PRICKLE1: variants seen among roughly 807,000 people sequenced by gnomAD.
PRICKLE1 encodes the protein prickle planar cell polarity protein 1.
Under a neutral mutation model 70.2 loss-of-function variants are expected in PRICKLE1, and 14 were observed. The observed-to-expected ratio is 0.20, with a 90% CI of 0.13 to 0.31. The LOEUF (loss-of-function observed/expected upper bound fraction) is 0.31. PRICKLE1 is among the 10% of genes least tolerant of loss of function. The pLI, the probability that PRICKLE1 is intolerant of heterozygous loss-of-function variation, is 1.00. For missense variants in PRICKLE1, 821 were observed against 1,026.2 expected (o/e 0.80, Z 2.73); for synonymous variants, 357 against 379.9 (o/e 0.94, Z 0.70).
At position 42,512,648 on chromosome 12, in the gene PRICKLE1, T is replaced by C. The variant is rs114291823; in HGVS notation, c.-48-40084A>G. Among the ~76,000 whole-genome samples the C allele has an allele frequency of 2.5e-3, 379 of 152,278 alleles. 2 individuals carry two copies. Among genetic ancestry groups the C allele is most frequent in the African/African-American group, 8.7e-3 (360 of 41,554 alleles). On this transcript the variant is annotated intron_variant, in intron 1 of 7. Coordinates refer to ENST00000345127, the MANE Select transcript of PRICKLE1 (RefSeq NM_153026.3). ...TGATTTCTATCTGACATAGTATGTA[T>C]TGTATGTAATCATTTTGTTTTTTGT...
chr12:42,529,888 C>CA (rs1183317651), intron 1 of PRICKLE1, among the ~76,000 whole-genome samples: 28 of 148,718 alleles, frequency 1.9e-4, no homozygotes, highest in African/African-American at 4.4e-4. Context: ...GAGACCTTAT[C>CA]AAAAAAAAAG....
chr12:42,565,360 G>T (rs1940604725), intron 1 of PRICKLE1, among the ~76,000 whole-genome samples: 1 of 152,256 alleles, frequency 6.6e-6, no homozygotes. Flanking sequence ...AGAAACTTAA[G>T]AAAGTACTTC....
At chr12:42,586,374 G>C (rs1004399358) in intron 1 of PRICKLE1, among the ~76,000 whole-genome samples, 2 of 151,218 alleles carry the variant, frequency 1.3e-5, no homozygotes, top group African/African-American at 4.9e-5. Context: ...GAATCACTTT[G>C]ATTTTTTAAA....
Position 42,589,720 on chromosome 12 carries a change from C to T in PRICKLE1, c.-304G>A, listed in dbSNP as rs1159413707. Reference sequence around the variant, plus strand: ...GCGGCGGCGGCCGCGGGAGACGGCGCTGGCAGCTGGGCTGCAGGCGGAGTG... The same window carrying T: ...GCGGCGGCGGCCGCGGGAGACGGCGTTGGCAGCTGGGCTGCAGGCGGAGTG... On this transcript the variant is annotated 5_prime_UTR_variant, in exon 1 of 8. Transcript: ENST00000345127. This position sits in a 1 kb window ranked among gnomAD's most constrained non-coding sequence, Gnocchi z 5.0. 3 of 149,844 alleles carry T rather than the reference C, an allele frequency of 2.0e-5. No individual in the cohort carries two copies. The highest frequency in any genetic ancestry group is 3.0e-5 in the Non-Finnish European group (2 of 67,342). The allele number at this position is 149,844 out of a possible 1,614,324, so 9.3% of individuals were successfully genotyped here. A position where few individuals can be genotyped will look rare whatever the true frequency, so the allele number is the denominator to read the frequency against.
intron 2 of PRICKLE1, among the ~76,000 whole-genome samples, chr12:42,471,014 G>A (rs1053747748): frequency 3.3e-5 from 5 of 152,154 alleles, no homozygotes; most frequent in African/African-American, 4.8e-5. Flanking sequence ...TACACAGACT[G>A]TGTGAAATGG....
At chr12:42,558,720 C>T (rs1000524463) in intron 1 of PRICKLE1, among the ~76,000 whole-genome samples, 1 of 152,132 alleles carries the variant, frequency 6.6e-6, no homozygotes, top group Non-Finnish European at 1.5e-5. Flanking sequence ...CTTTAATGAC[C>T]TTATTTTCTT....
intron 1 of PRICKLE1, among the ~76,000 whole-genome samples, chr12:42,576,011 C>T (rs1940800537): frequency 6.6e-6 from 1 of 152,138 alleles, no homozygotes; most frequent in African/African-American, 2.4e-5. Context: ...TGCCTTCCTC[C>T]CTTACAAAAC....
intron 1 of PRICKLE1, among the ~76,000 whole-genome samples, chr12:42,516,516 A>G (rs898499807): frequency 2.6e-5 from 4 of 152,086 alleles, no homozygotes; most frequent in Non-Finnish European, 4.4e-5. Flanking sequence ...TTTACAGGGT[A>G]TCTCTTCTTT....
chr12:42,500,667 T>C (rs890034411), intron 1 of PRICKLE1, among the ~76,000 whole-genome samples: 13 of 151,686 alleles, frequency 8.6e-5, no homozygotes, highest in Non-Finnish European at 1.9e-4. Context: ...TAATTTTCTT[T>C]TTTTTTTTTT....
intron 3 of PRICKLE1, 79 bp downstream of exon 3, chr12:42,470,167 G>A: frequency 9.6e-7 from 1 of 1,046,826 alleles, no homozygotes. Flanking sequence ...TGAGGAGTTG[G>A]GGTTTATGAG....
intron 1 of PRICKLE1, among the ~76,000 whole-genome samples, chr12:42,507,393 C>A (rs921530): frequency 0.17 from 26,406 of 152,162 alleles, 3,043 homozygotes; most frequent in African/African-American, 0.31. Context: ...GGGTTTTGAA[C>A]CCTTTTGAAC....
intron 1 of PRICKLE1, among the ~76,000 whole-genome samples, chr12:42,522,271 T>G (rs2708079): frequency 6.6e-6 from 1 of 151,862 alleles, no homozygotes; most frequent in African/African-American, 2.4e-5. Context: ...CTACCATACC[T>G]GGCCTTAACT....
In PRICKLE1 at chr12:42,459,381, C is replaced by G. The variant is rs1054485349; in HGVS notation, c.*428G>C. On this transcript the variant is annotated 3_prime_UTR_variant, in exon 8 of 8. Transcript: ENST00000345127. ...GTGTTAGCTAGGTCATCGTGACAGG[C>G]ATGCCTCACACCAAGACGGACTATC... 8.5e-6 allele frequency: 6 copies of G among 702,324 alleles called. No individual in the cohort carries two copies. Among genetic ancestry groups the G allele is most frequent in the Non-Finnish European group, 1.3e-5 (5 of 384,980 alleles). 43.5% of individuals were successfully genotyped at this position (702,324 alleles called of 1,614,324 possible). A position where few individuals can be genotyped will look rare whatever the true frequency, so the allele number is the denominator to read the frequency against.
intron 1 of PRICKLE1, among the ~76,000 whole-genome samples, chr12:42,534,076 A>G (rs961501757): frequency 2.6e-5 from 4 of 152,300 alleles, no homozygotes; most frequent in Non-Finnish European, 4.4e-5. Context: ...TACTTATTGT[A>G]TAAAGTAGGG....
chr12:42,474,384 C>T (rs1378906531), intron 1 of PRICKLE1, among the ~76,000 whole-genome samples: 3 of 152,110 alleles, frequency 2.0e-5, no homozygotes, highest in Non-Finnish European at 2.9e-5. Context: ...GGGCAAGCAC[C>T]TCATAGCTAC....
intron 5 of PRICKLE1, 41 bp from the exon 6 acceptor site, chr12:42,466,421 A>C (rs768509723): frequency 6.9e-6 from 11 of 1,583,148 alleles, no homozygotes; most frequent in Non-Finnish European, 9.5e-6. Context: ...AAAGAAAATC[A>C]TTAGGAACTA....
At chr12:42,572,821 C>G (rs1940741024) in intron 1 of PRICKLE1, among the ~76,000 whole-genome samples, 2 of 152,214 alleles carry the variant, frequency 1.3e-5, no homozygotes, top group South Asian at 4.2e-4. Context: ...GAGCAAGACT[C>G]TGTCTCAAAG....
rs1006659962 is a variant in PRICKLE1 at position 42,459,398 on chromosome 12, C to A, written c.*411G>T. 1.4e-6 allele frequency: 1 copy of A among 701,216 alleles called. No homozygotes were observed. The highest frequency in any genetic ancestry group is 1.7e-5 in the African/African-American group (1 of 57,166). 43.4% of individuals were successfully genotyped at this position (701,216 alleles called of 1,614,324 possible). The stretch of plus-strand genomic sequence containing the variant: ...GTGACAGGCATGCCTCACACCAAGA[C>A]GGACTATCAAGACCTGAGCCGACCT... On this transcript the variant is annotated 3_prime_UTR_variant, in exon 8 of 8. Coordinates refer to ENST00000345127, the MANE Select transcript of PRICKLE1 (RefSeq NM_153026.3).
intron 1 of PRICKLE1, among the ~76,000 whole-genome samples, chr12:42,567,682 C>G (rs1191980379): frequency 6.6e-6 from 1 of 151,236 alleles, no homozygotes; most frequent in Non-Finnish European, 1.5e-5. Context: ...ACAAAATTAA[C>G]TGGGCGCGGT....
Sources: allele counts gnomAD v4.1 joint callset (sites outside exome capture counted in the v4.1 genomes callset), GRCh38; gene constraint gnomAD v4.1.1; non-coding constraint Gnocchi (gnomAD v3.1); transcripts MANE v1.5; gene names NCBI Gene and HGNC (gene_info 2026-07-23, HGNC 2026-07-21).